The following DOCK9 variants were observed in gnomAD, a reference collection of about 807,000 sequenced individuals.
DOCK9 encodes dedicator of cytokinesis 9.
DOCK9 carries 89 observed loss-of-function variants against 263.3 expected under a neutral mutation model. That is an observed-to-expected ratio of 0.34 (90% confidence interval 0.28 to 0.40). The LOEUF is 0.40. Among genes scored for constraint, DOCK9 ranks in the 10% least tolerant of loss-of-function variants. DOCK9 has a pLI of 1.00. For missense variants in DOCK9, 2,140 were observed against 2,603.4 expected (o/e 0.82, Z 3.87); for synonymous variants, 976 against 973.1 (o/e 1.00, Z -0.06).
Position 98,853,524 on chromosome 13 carries a change from TA to T in DOCK9, c.3832-3del. 4 of 1,603,490 alleles carry T rather than the reference TA, an allele frequency of 2.5e-6. No individual in the cohort carries two copies. Among genetic ancestry groups the T allele is most frequent in the Middle Eastern group, 1.7e-4 (1 of 6,040 alleles). ...TCCCAATGTGCTACTTTGTTGGTGC[TA>T]AAAAGAAAATACAGGTGATTTTTCT... On this transcript the variant is annotated splice_polypyrimidine_tract_variant and splice_region_variant and intron_variant, in intron 34 of 52. Coordinates refer to ENST00000682017, the MANE Select transcript of DOCK9 (RefSeq NM_001366683.2).
At chr13:98,982,221 G>A (rs1595817953), upstream of DOCK9, among the ~76,000 whole-genome samples, 2 of 152,208 alleles carry the variant, frequency 1.3e-5, no homozygotes. Flanking sequence ...AACCTCACAG[G>A]AAATTTAAGA....
intron 1 of DOCK9, among the ~76,000 whole-genome samples, chr13:99,031,172 A>G (rs1435707518): frequency 6.6e-6 from 1 of 152,126 alleles, no homozygotes; most frequent in East Asian, 1.9e-4. Context: ...TGGTGCTTTT[A>G]TAGCATAAAA....
chr13:98,905,043 G>T (rs1468081857), intron 9 of DOCK9, among the ~76,000 whole-genome samples: 1 of 152,230 alleles, frequency 6.6e-6, no homozygotes, highest in Non-Finnish European at 1.5e-5. Flanking sequence ...GAATGAAGGG[G>T]CAGAATCGAG....
chr13:98,834,335 C>T (rs912284307), intron 39 of DOCK9: 14 of 152,150 alleles, frequency 9.2e-5, no homozygotes, highest in Admixed American at 5.9e-4. Context: ...TTTAAAATAA[C>T]GTTAAAAAAT....
At chr13:98,987,017 C>T (rs185526765) in intron 1 of DOCK9, among the ~76,000 whole-genome samples, 1 of 152,230 alleles carries the variant, frequency 6.6e-6, no homozygotes, top group African/African-American at 2.4e-5. Flanking sequence ...GACTGTTCAG[C>T]AGCTTTATTA....
intron 9 of DOCK9, among the ~76,000 whole-genome samples, chr13:98,905,586 T>A (rs1160306891): frequency 1.3e-5 from 2 of 151,154 alleles, no homozygotes; most frequent in African/African-American, 4.9e-5. Flanking sequence ...AGGCAGGGCA[T>A]GATTAAAAAA....
intron 45 of DOCK9, among the ~76,000 whole-genome samples, chr13:98,810,751 G>A (rs2091228679): frequency 6.6e-6 from 1 of 152,180 alleles, no homozygotes; most frequent in African/African-American, 2.4e-5. Context: ...CACCGTGCCT[G>A]CTTCACCTTG....
intron 1 of DOCK9, among the ~76,000 whole-genome samples, chr13:98,957,132 C>G (rs2058148663): frequency 6.6e-6 from 1 of 152,176 alleles, no homozygotes; most frequent in Non-Finnish European, 1.5e-5. Context: ...CAGCCACGCA[C>G]ACAGGATCCA....
At chr13:98,888,019 A>T in intron 18 of DOCK9, 139 bp downstream of exon 18, 1 of 622,144 alleles carries the variant, frequency 1.6e-6, no homozygotes, top group Non-Finnish European at 2.8e-6. Context: ...ATATGTTTAT[A>T]CATTGTAACA....
At chr13:98,992,218 G>A (rs1272103449) in intron 1 of DOCK9, among the ~76,000 whole-genome samples, 5 of 152,122 alleles carry the variant, frequency 3.3e-5, no homozygotes, top group African/African-American at 1.2e-4. Flanking sequence ...TATTTGAATG[G>A]TGTCTAAAAG....
At chr13:99,029,447 C>T (rs1887103313) in intron 1 of DOCK9, among the ~76,000 whole-genome samples, 1 of 152,106 alleles carries the variant, frequency 6.6e-6, no homozygotes, top group Admixed American at 6.5e-5. Context: ...TTAATTATCT[C>T]TGTTAAAATA....
intron 45 of DOCK9, among the ~76,000 whole-genome samples, chr13:98,813,205 T>G (rs2091484497): frequency 6.6e-6 from 1 of 152,198 alleles, no homozygotes; most frequent in South Asian, 2.1e-4. Context: ...ATGGAAAGAT[T>G]TATTTCTTTT....
chr13:98,936,638 G>GA (rs2054886918), intron 2 of DOCK9, among the ~76,000 whole-genome samples: 3 of 83,576 alleles, frequency 3.6e-5, no homozygotes, highest in African/African-American at 3.5e-5. Flanking sequence ...AAAAAAAAAA[G>GA]AAAGAAAGAA....
chr13:98,962,633 G>GTTT (rs34564280), intron 1 of DOCK9, among the ~76,000 whole-genome samples: 4 of 145,234 alleles, frequency 2.8e-5, no homozygotes, highest in Non-Finnish European at 4.5e-5. Context: ...TGCATGATAG[G>GTTT]TTTTAAAAAA....
upstream of DOCK9, among the ~76,000 whole-genome samples, chr13:98,983,060 T>C (rs149331956): frequency 5.9e-5 from 9 of 152,348 alleles, no homozygotes; most frequent in East Asian, 1.7e-3. Flanking sequence ...TAACAGAAGT[T>C]ATTTACTGTC....
At chr13:98,927,787 CT>C (rs1312339789) in intron 3 of DOCK9, among the ~76,000 whole-genome samples, 2 of 151,700 alleles carry the variant, frequency 1.3e-5, no homozygotes, top group African/African-American at 4.8e-5. Flanking sequence ...CGCCTGGCTA[CT>C]TTTTGTATTT....
At chr13:98,999,316 A>ACACACACACACTCTCTCTCT in intron 1 of DOCK9, among the ~76,000 whole-genome samples, 72 of 138,370 alleles carry the variant, frequency 5.2e-4, no homozygotes, top group African/African-American at 1.9e-3. Context: ...ACACACACAC[A>ACACACACACACTCTCTCTCT]CTCTCTCTCT....
At chr13:99,024,619 T>G (rs1886507180) in intron 1 of DOCK9, among the ~76,000 whole-genome samples, 2 of 152,214 alleles carry the variant, frequency 1.3e-5, no homozygotes, top group South Asian at 4.1e-4. Context: ...TTACTGTCAT[T>G]GTGGCAGTAT....
intron 26 of DOCK9, 96 bp downstream of exon 26, chr13:98,880,451 C>A: frequency 6.5e-7 from 1 of 1,530,698 alleles, no homozygotes; most frequent in Non-Finnish European, 8.9e-7. Context: ...TGGTGTTTGT[C>A]TCTAAGAGCA....
Sources: gnomAD v4.1 joint callset for allele counts (sites outside exome capture counted in the v4.1 genomes callset) on GRCh38, gnomAD v4.1.1 for gene constraint, MANE v1.5 for transcripts, NCBI Gene and HGNC (gene_info 2026-07-23, HGNC 2026-07-21) for gene names.